Variants in AAK1 observed in about 807,000 individuals in gnomAD.
AAK1 encodes AP2 associated kinase 1, also known as AP2-associated protein kinase 1.
Under a neutral mutation model 116.0 loss-of-function variants are expected in AAK1, and 37 were observed. The observed-to-expected ratio is 0.32, with a 90% CI of 0.25 to 0.42. AAK1 has a LOEUF of 0.42. Among genes scored for constraint, AAK1 ranks in the 10% least tolerant of loss-of-function variants. AAK1 has a pLI of 1.00. For synonymous variants in AAK1, 458 were observed against 439.9 expected (o/e 1.04, Z -0.51); for missense variants, 919 against 1,170.6 (o/e 0.79, Z 3.14).
rs1055725320 is a variant in AAK1 at position 69,478,999 on chromosome 2, G to A, written c.2632C>T (p.Leu878Phe). 1.2e-6 allele frequency: 2 copies of A among 1,613,800 alleles called. No individual in the cohort carries two copies. Among genetic ancestry groups the A allele is most frequent in the African/African-American group, 2.7e-5 (2 of 74,912 alleles). ...CSLLSNPTTD[L>F]LEEFAPTAIS... Reference sequence around the variant, plus strand: ...GCTGTGGGGGCAAACTCTTCCAGAAGGTCAGTAGTAGGGTTAGAGAGCAGA... The same window carrying A: ...GCTGTGGGGGCAAACTCTTCCAGAAAGTCAGTAGTAGGGTTAGAGAGCAGA... Residue 878 changes from leucine to phenylalanine, a missense_variant, in exon 20 of 22, where the codon CTT becomes TTT. Physicochemically the swap from Leu to Phe is conservative, Grantham distance 22 (BLOSUM62 0). Transcript: ENST00000409085.
intron 4 of AAK1, 127 bp downstream of exon 4, chr2:69,544,309 G>T: frequency 1.5e-6 from 1 of 678,190 alleles, no homozygotes. Flanking sequence ...GTATCTTTTA[G>T]TTTTCTCATC....
chr2:69,471,172 A>T lies in AAK1; in HGVS notation c.*4697T>A, dbSNP rs1322303865. 1 of 985,422 alleles carries T rather than the reference A, an allele frequency of 1.0e-6. No individual in the cohort carries two copies. Among genetic ancestry groups the T allele is most frequent in the Non-Finnish European group, 1.2e-6 (1 of 829,940 alleles). 61.0% of individuals were successfully genotyped at this position (985,422 alleles called of 1,614,324 possible). A position where few individuals can be genotyped will look rare whatever the true frequency, so the allele number is the denominator to read the frequency against. ...TAGAATACTCACAGGAAAAGAGTAA[A>T]TTCAGGTCACTACATCAAAGTGTGA... is the stretch of plus-strand genomic sequence containing the variant. On this transcript the variant is annotated 3_prime_UTR_variant, in exon 22 of 22. Coordinates refer to ENST00000409085, the MANE Select transcript of AAK1 (RefSeq NM_014911.5).
In AAK1 at chr2:69,473,260, C is replaced by A. The variant is rs1674739539; in HGVS notation, c.*2609G>T. On this transcript the variant is annotated 3_prime_UTR_variant, in exon 22 of 22. Coordinates refer to ENST00000409085, the MANE Select transcript of AAK1 (RefSeq NM_014911.5). ...GTTCAATCCAGCTCAGGTCCCACAC[C>A]TGTAAAATGAAGAGGATGGTGGACT... 3 of 964,736 alleles carry A rather than the reference C, an allele frequency of 3.1e-6. No homozygotes were observed. The South Asian group carries it at 1.4e-4, about 46-fold the overall frequency. The allele number at this position is 964,736 out of a possible 1,614,324, so 59.8% of individuals were successfully genotyped here.
At chr2:69,544,668 T>A in intron 3 of AAK1, 124 bp from the exon 4 acceptor site, 1 of 710,284 alleles carries the variant, frequency 1.4e-6, no homozygotes, top group Non-Finnish European at 2.3e-6. Flanking sequence ...CAGAGAAGAC[T>A]AAGGAGCAAA....
intron 2 of AAK1, among the ~76,000 whole-genome samples, chr2:69,607,091 G>A (rs1673839535): frequency 6.7e-6 from 1 of 150,116 alleles, no homozygotes; most frequent in Admixed American, 6.6e-5. Context: ...TGTGATAAAC[G>A]CTGTGGAGAA....
chr2:69,610,701 C>T (rs1423207597), intron 2 of AAK1, among the ~76,000 whole-genome samples: 1 of 152,148 alleles, frequency 6.6e-6, no homozygotes, highest in Non-Finnish European at 1.5e-5. Flanking sequence ...TATTAATAGA[C>T]ATTTCTCCAA....
intron 17 of AAK1, among the ~76,000 whole-genome samples, chr2:69,493,157 T>A (rs1288671127): frequency 4.1e-4 from 9 of 21,874 alleles, no homozygotes; most frequent in East Asian, 0.011. Flanking sequence ...AGACTCCGTC[T>A]CAAAAAAAAA....
chr2:69,533,187 A>T (rs1670327484), intron 5 of AAK1, among the ~76,000 whole-genome samples: 1 of 152,202 alleles, frequency 6.6e-6, no homozygotes, highest in South Asian at 2.1e-4. Context: ...GTCTACTCTG[A>T]AAGATAAGCT....
At chr2:69,483,392 C>T (rs1367774347) in intron 17 of AAK1, among the ~76,000 whole-genome samples, 1 of 152,110 alleles carries the variant, frequency 6.6e-6, no homozygotes, top group African/African-American at 2.4e-5. Context: ...TCCGTGTGGT[C>T]GCAAGTATCA....
chr2:69,586,146 T>C (rs140530725), intron 2 of AAK1, among the ~76,000 whole-genome samples: 68 of 152,298 alleles, frequency 4.5e-4, no homozygotes, highest in African/African-American at 1.5e-3. Flanking sequence ...GAGATCAGGG[T>C]GACCACCAGT....
chr2:69,490,252 G>C (rs1056390114), intron 17 of AAK1, among the ~76,000 whole-genome samples: 2 of 152,036 alleles, frequency 1.3e-5, no homozygotes, highest in Non-Finnish European at 2.9e-5. Flanking sequence ...GAAAACAGTG[G>C]TCCTCAAAAA....
Position 69,472,626 on chromosome 2 carries a change from G to T in AAK1, c.*3243C>A. 1.0e-6 allele frequency: 1 copy of T among 985,308 alleles called. No homozygotes were observed. The highest frequency in any genetic ancestry group is 1.2e-6 in the Non-Finnish European group (1 of 829,888). The allele number at this position is 985,308 out of a possible 1,614,324, so 61.0% of individuals were successfully genotyped here. A position where few individuals can be genotyped will look rare whatever the true frequency, so the allele number is the denominator to read the frequency against. ...TATCTCCTCTGAGGTATGTATTTTT[G>T]AAAACATTGGGACTCATTTGAATGT... On this transcript the variant is annotated 3_prime_UTR_variant, in exon 22 of 22. Transcript: ENST00000409085.
chr2:69,603,494 A>C (rs1378907219), intron 2 of AAK1, among the ~76,000 whole-genome samples: 1 of 152,018 alleles, frequency 6.6e-6, no homozygotes, highest in Non-Finnish European at 1.5e-5. Flanking sequence ...CCTTTCCATG[A>C]TCTTCCCCCT....
chr2:69,611,208 C>T (rs998819062), intron 2 of AAK1, among the ~76,000 whole-genome samples: 6 of 152,152 alleles, frequency 3.9e-5, no homozygotes, highest in African/African-American at 1.4e-4. Context: ...TGGCTGCCAA[C>T]GCGGCTAGAA....
chr2:69,604,356 C>G (rs1051045695), intron 2 of AAK1, among the ~76,000 whole-genome samples: 1 of 152,176 alleles, frequency 6.6e-6, no homozygotes, highest in African/African-American at 2.4e-5. Context: ...CTGGTCATGT[C>G]TAATTCTGGG....
rs375580392 is a variant in AAK1, at chr2:69,559,262, TCACACA to T, written c.164-2290_164-2285del. 6.5e-3 allele frequency among the ~76,000 whole-genome samples: 832 copies of T among 127,246 alleles called. 10 individuals carry two copies. The highest frequency in any genetic ancestry group is 0.019 in the African/African-American group (624 of 32,208). The allele number at this position is 127,246 out of a possible 152,430, so 83.5% of individuals were successfully genotyped here. A position where few individuals can be genotyped will look rare whatever the true frequency, so the allele number is the denominator to read the frequency against. ...GAGGTCTTATCTATCTCTCTCTCTC[TCACACA>T]CACACACACACACACACACACACAC... On this transcript the variant is annotated intron_variant, in intron 2 of 21. Transcript: ENST00000409085.
At position 69,461,525 on chromosome 2, in the gene AAK1, A is replaced by C; in HGVS notation, c.*14344T>G. 4.3e-6 allele frequency: 1 copy of C among 232,790 alleles called. No individual in the cohort carries two copies. Among genetic ancestry groups the C allele is most frequent in the Non-Finnish European group, 8.7e-6 (1 of 114,308 alleles). The allele number at this position is 232,790 out of a possible 1,614,324, so 14.4% of individuals were successfully genotyped here. A position where few individuals can be genotyped will look rare whatever the true frequency, so the allele number is the denominator to read the frequency against. ...AAAAAAAAAAAAAAAAGTAATTTGCATGTGTTTGCATCCGTTTCTGTATTC... is the reference window on the plus strand; with the variant it reads ...AAAAAAAAAAAAAAAAGTAATTTGCCTGTGTTTGCATCCGTTTCTGTATTC... On this transcript the variant is annotated 3_prime_UTR_variant, in exon 22 of 22. Transcript: ENST00000409085.
At position 69,582,374 on chromosome 2, in the gene AAK1, CGT is replaced by C. The variant is rs575436080; in HGVS notation, c.164-25398_164-25397del. ...TATACATGAAAAACCTCCGTGTGTG[CGT>C]GTGTGTGCACGTGTGTGTGTGCGTG... On this transcript the variant is annotated intron_variant, in intron 2 of 21. Transcript: ENST00000409085. Among the ~76,000 whole-genome samples, 880 of 145,968 alleles carry C rather than the reference CGT, an allele frequency of 6.0e-3. 9 individuals carry two copies. Among genetic ancestry groups the C allele is most frequent in the African/African-American group, 0.023 (828 of 35,948 alleles).
At chr2:69,490,122 G>T (rs1558904131) in intron 17 of AAK1, among the ~76,000 whole-genome samples, 1 of 152,164 alleles carries the variant, frequency 6.6e-6, no homozygotes, top group Non-Finnish European at 1.5e-5. Flanking sequence ...ATGGGGCAAC[G>T]AATGTCTTCT....
Sources: allele counts gnomAD v4.1 joint callset (sites outside exome capture counted in the v4.1 genomes callset), GRCh38; gene constraint gnomAD v4.1.1; transcripts MANE v1.5; gene names NCBI Gene and HGNC (gene_info 2026-07-23, HGNC 2026-07-21).